The following PAK3 variants were observed in gnomAD, a reference collection of about 807,000 sequenced individuals.
PAK3 encodes the protein serine/threonine-protein kinase PAK 3.
PAK3 carries 4 observed loss-of-function variants against 41.0 expected under a neutral mutation model. That is an observed-to-expected ratio of 0.10 (90% CI 0.05 to 0.22). The LOEUF (loss-of-function observed/expected upper bound fraction) is 0.22. Among genes scored for constraint, PAK3 ranks in the 10% least tolerant of loss-of-function variants. PAK3 has a pLI of 1.00. For missense variants in PAK3, 205 were observed against 409.9 expected (o/e 0.50, Z 4.32); for synonymous variants, 146 against 139.6 (o/e 1.05, Z -0.32).
At position 111,201,178 on chromosome X, in the gene PAK3, T is replaced by C. The variant is rs367698440; in HGVS notation, c.1407+4538T>C. Among the ~76,000 whole-genome samples the C allele has an allele frequency of 6.1e-4, 69 of 112,572 alleles. 1 individual carries two copies. In the East Asian group the frequency reaches 0.012, roughly 20 times the overall value. ...TTCAATTAATCAATCAACAAGCCCA[T>C]ACAGAGCTAGCTTTATTCTAATTTT... On this transcript the variant is annotated intron_variant, in intron 16 of 17. Coordinates refer to ENST00000372007, the MANE Select transcript of PAK3 (RefSeq NM_002578.5).
Position 111,163,742 on chromosome X carries a change from C to A in PAK3, c.766+15C>A, listed in dbSNP as rs774044668. On this transcript the variant is annotated intron_variant, in intron 10 of 17. Coordinates refer to ENST00000372007, the MANE Select transcript of PAK3 (RefSeq NM_002578.5). ...AGAGAAGCTAAGTGAGTACTTCTTG[C>A]CATGATTACTTTCTACACGGGAGTG... is the stretch of plus-strand genomic sequence containing the variant. 1.7e-5 allele frequency: 19 copies of A among 1,145,994 alleles called. No homozygotes were observed. The highest frequency in any genetic ancestry group is 1.3e-5 in the Non-Finnish European group (11 of 837,776). The allele number at this position is 1,145,994 out of a possible 1,213,427, so 94.4% of individuals were successfully genotyped here.
intron 17 of PAK3, chrX:111,217,741 C>A (rs1337241167): frequency 4.8e-6 from 2 of 414,270 alleles, no homozygotes; most frequent in Non-Finnish European, 6.1e-6. Context: ...ATTAATCCAG[C>A]CTCAAATTAC....
intron 8 of PAK3, among the ~76,000 whole-genome samples, chrX:111,162,251 G>C (rs2094199979): frequency 9.0e-6 from 1 of 111,725 alleles, no homozygotes; most frequent in Non-Finnish European, 1.9e-5. Context: ...TGTTGCTATT[G>C]TACCACAATA....
intron 1 of PAK3, among the ~76,000 whole-genome samples, chrX:111,063,384 G>A (rs1221374046): frequency 1.8e-5 from 2 of 112,020 alleles, no homozygotes; most frequent in East Asian, 5.6e-4. Context: ...TTGTTAAAAT[G>A]CAAATGAATG....
At chrX:111,053,606 C>A (rs2092578678) in intron 1 of PAK3, among the ~76,000 whole-genome samples, 1 of 111,134 alleles carries the variant, frequency 9.0e-6, no homozygotes, top group African/African-American at 3.3e-5. Flanking sequence ...AAGATGGAGA[C>A]CTTCGGACCT....
intron 1 of PAK3, among the ~76,000 whole-genome samples, chrX:111,047,235 GAAGACT>G (rs1048478529): frequency 1.8e-5 from 2 of 111,765 alleles, no homozygotes; most frequent in African/African-American, 6.5e-5. Context: ...GAGATAAAAA[GAAGACT>G]AAGACATAGT....
intron 11 of PAK3, among the ~76,000 whole-genome samples, chrX:111,190,185 G>A (rs1020404631): frequency 2.7e-5 from 3 of 110,866 alleles, no homozygotes; most frequent in African/African-American, 9.8e-5. Flanking sequence ...AGTTCCAATC[G>A]ATATTTAGAA....
At chrX:111,186,035 G>T (rs2094506950) in intron 11 of PAK3, among the ~76,000 whole-genome samples, 1 of 111,297 alleles carries the variant, frequency 9.0e-6, no homozygotes, top group South Asian at 3.8e-4. Context: ...CAGAACCAAT[G>T]AGAAAAACCT....
chrX:110,962,569 C>T (rs1366500013), intron 1 of PAK3, among the ~76,000 whole-genome samples: 1 of 112,384 alleles, frequency 8.9e-6, no homozygotes, highest in African/African-American at 3.2e-5. Flanking sequence ...TTAATGACTC[C>T]CAGGGACTTA....
At chrX:111,029,441 ACAGT>A (rs1303988281) in intron 1 of PAK3, among the ~76,000 whole-genome samples, 4 of 111,865 alleles carry the variant, frequency 3.6e-5, no homozygotes, top group Non-Finnish European at 7.5e-5. Flanking sequence ...GAGAACATAA[ACAGT>A]CAATCAACGT....
chrX:111,123,734 T>C (rs1603270008), intron 5 of PAK3, among the ~76,000 whole-genome samples: 2 of 111,961 alleles, frequency 1.8e-5, no homozygotes, highest in African/African-American at 6.5e-5. Flanking sequence ...CAATATTGTC[T>C]CTCTGACTAT....
chrX:111,085,339 C>T (rs1277024123), intron 1 of PAK3, among the ~76,000 whole-genome samples: 2 of 112,004 alleles, frequency 1.8e-5, no homozygotes, highest in East Asian at 2.8e-4. Flanking sequence ...AATCAAAAAG[C>T]ATAAAAATGT....
rs150026093 is a variant in PAK3 at position 111,178,096 on chromosome X, C to T, written c.830+5015C>T. Among the ~76,000 whole-genome samples the T allele has an allele frequency of 6.0e-3, 668 of 110,558 alleles. 9 individuals are homozygous for T. The highest frequency in any genetic ancestry group is 0.02 in the African/African-American group (623 of 30,480). ...CACAGTGACCTCTATACTTGTGGTC[C>T]CCCTGAATACTGGACATGGAGAAGA... On this transcript the variant is annotated intron_variant, in intron 11 of 17. Coordinates refer to ENST00000372007, the MANE Select transcript of PAK3 (RefSeq NM_002578.5).
chrX:110,994,311 T>C (rs1161602820), intron 1 of PAK3, among the ~76,000 whole-genome samples: 1 of 111,865 alleles, frequency 8.9e-6, no homozygotes, highest in Non-Finnish European at 1.9e-5. Context: ...CTACTCATCA[T>C]GGTTTGAGTT....
At chrX:110,984,618 A>G (rs2091508172) in intron 1 of PAK3, among the ~76,000 whole-genome samples, 1 of 112,120 alleles carries the variant, frequency 8.9e-6, no homozygotes, top group Non-Finnish European at 1.9e-5. Context: ...GCTGCCCACC[A>G]TGACTCTGGC....
chrX:111,213,329 T>C (rs1046679478), intron 16 of PAK3, among the ~76,000 whole-genome samples: 3 of 112,229 alleles, frequency 2.7e-5, no homozygotes, highest in Non-Finnish European at 5.6e-5. Flanking sequence ...CAGGGCTTTC[T>C]TCTCCCTTGA....
At chrX:111,099,587 T>C (rs1315697789) in intron 3 of PAK3, among the ~76,000 whole-genome samples, 1 of 108,625 alleles carries the variant, frequency 9.2e-6, no homozygotes, top group Non-Finnish European at 1.9e-5. Flanking sequence ...GCCAGAGTTT[T>C]TCTTTGAGGT....
chrX:111,144,905 C>A, intron 6 of PAK3: 1 of 1,106,414 alleles, frequency 9.0e-7, no homozygotes, highest in South Asian at 1.9e-5. Flanking sequence ...CGCTTCAAGT[C>A]AATCAGAGGG....
upstream of PAK3, chrX:111,096,182 A>C (rs903697642): frequency 8.9e-6 from 1 of 112,331 alleles, no homozygotes; most frequent in Non-Finnish European, 1.9e-5. Context: ...GTTGCCGAGC[A>C]GGGGCTCTAC....
Sources: gnomAD v4.1 joint callset for allele counts (sites outside exome capture counted in the v4.1 genomes callset) on GRCh38, gnomAD v4.1.1 for gene constraint, MANE v1.5 for transcripts, NCBI Gene and HGNC (gene_info 2026-07-23, HGNC 2026-07-21) for gene names.